The following CCDC178 variants were observed in gnomAD, a reference collection of about 807,000 sequenced individuals.
The protein encoded by CCDC178 is coiled-coil domain-containing protein 178.
A neutral mutation model predicts 117.4 loss-of-function variants in CCDC178; 126 were observed. That is an observed-to-expected ratio of 1.07 (90% CI 0.93 to 1.24). The LOEUF (loss-of-function observed/expected upper bound fraction) is 1.24. Ranked by LOEUF, CCDC178 falls within the 50% of genes most tolerant of loss-of-function variation. The pLI is 0.00. For missense variants in CCDC178, 1,030 were observed against 986.9 expected, an observed-to-expected ratio of 1.04 and a Z score of -0.59; for synonymous variants, 283 against 313.4, an observed-to-expected ratio of 0.90 and a Z score of 1.02.
intron 21 of CCDC178, among the ~76,000 whole-genome samples, chr18:33,026,427 C>T (rs866797037): frequency 2.0e-5 from 3 of 151,990 alleles, no homozygotes; most frequent in East Asian, 3.9e-4. Context: ...AAAAATACCT[C>T]GGAATAAAAG....
chr18:33,340,771 G>T (rs1337128088), intron 9 of CCDC178, among the ~76,000 whole-genome samples: 1 of 152,180 alleles, frequency 6.6e-6, no homozygotes, highest in Non-Finnish European at 1.5e-5. Context: ...CAAGAAATGA[G>T]GTTTGAGAAC....
chr18:32,985,473 G>A (rs551823414), intron 21 of CCDC178, among the ~76,000 whole-genome samples: 1 of 151,980 alleles, frequency 6.6e-6, no homozygotes, highest in Admixed American at 6.6e-5. Flanking sequence ...CTAGAAGAAT[G>A]GCAAGAGTAA....
At chr18:33,357,893 T>C (rs990587673) in intron 6 of CCDC178, among the ~76,000 whole-genome samples, 1 of 151,936 alleles carries the variant, frequency 6.6e-6, no homozygotes, top group African/African-American at 2.4e-5. Context: ...TATATAGTCA[T>C]GTGTCACTAA....
chr18:33,254,251 AACACACACACACACACACACACACAC>A (rs34689445), intron 14 of CCDC178, among the ~76,000 whole-genome samples: 8 of 135,384 alleles, frequency 5.9e-5, no homozygotes, highest in African/African-American at 2.2e-4. Flanking sequence ...TCTATTGAGA[AACACACACACACACACACACACACAC>A]ACACACACAC....
chr18:33,141,750 G>C (rs1401323902), intron 20 of CCDC178, among the ~76,000 whole-genome samples: 1 of 152,114 alleles, frequency 6.6e-6, no homozygotes, highest in Non-Finnish European at 1.5e-5. Flanking sequence ...TCTTTTCCTA[G>C]ATTAACTTTA....
intron 20 of CCDC178, among the ~76,000 whole-genome samples, chr18:33,164,618 T>C (rs1384619774): frequency 6.6e-6 from 1 of 151,610 alleles, no homozygotes; most frequent in Non-Finnish European, 1.5e-5. Flanking sequence ...AAAATGGTGG[T>C]AAGAAGGGCA....
intron 20 of CCDC178, among the ~76,000 whole-genome samples, chr18:33,124,886 A>T (rs1251409740): frequency 6.6e-6 from 1 of 152,194 alleles, no homozygotes; most frequent in Non-Finnish European, 1.5e-5. Flanking sequence ...AAATAAGGAT[A>T]CCTGTAAGCA....
At chr18:33,398,626 T>A (rs896113618) in intron 3 of CCDC178, among the ~76,000 whole-genome samples, 2 of 152,122 alleles carry the variant, frequency 1.3e-5, no homozygotes, top group African/African-American at 4.8e-5. Context: ...CCAGACATAG[T>A]AAGTGTTAAT....
At chr18:33,412,707 A>G (rs1266489987) in intron 2 of CCDC178, among the ~76,000 whole-genome samples, 7 of 152,200 alleles carry the variant, frequency 4.6e-5, no homozygotes, top group African/African-American at 1.7e-4. Flanking sequence ...AAATTTTTAA[A>G]CATAGCCATA....
At chr18:33,388,519 ATTTTT>A (rs71159828) in intron 5 of CCDC178, among the ~76,000 whole-genome samples, 1 of 65,266 alleles carries the variant, frequency 1.5e-5, no homozygotes, top group Non-Finnish European at 2.6e-5. Context: ...ACACCACGGA[ATTTTT>A]TTTTTTTTTT....
chr18:33,040,197 A>T (rs1253617995), intron 21 of CCDC178, among the ~76,000 whole-genome samples: 2 of 152,008 alleles, frequency 1.3e-5, no homozygotes, highest in African/African-American at 2.4e-5. Context: ...AATCCAGATA[A>T]AACTATTGAG....
intron 5 of CCDC178, among the ~76,000 whole-genome samples, chr18:33,385,880 C>A (rs1361499461): frequency 6.6e-6 from 1 of 152,008 alleles, no homozygotes; most frequent in Non-Finnish European, 1.5e-5. Context: ...AAGAGATAAA[C>A]ACATAAACAT....
chr18:32,937,931 A>C lies in CCDC178; in HGVS notation c.*80T>G. ...GAAGTGTGAAATGGCAAACAGGTGAATGTCCAATTACACTGTTATCTGAAC... is the reference window on the plus strand; with the variant it reads ...GAAGTGTGAAATGGCAAACAGGTGACTGTCCAATTACACTGTTATCTGAAC... On this transcript the variant is annotated 3_prime_UTR_variant, in exon 23 of 23. Transcript: ENST00000383096. 1 of 1,088,766 alleles carries C rather than the reference A, an allele frequency of 9.2e-7. No homozygotes were observed. Among genetic ancestry groups the C allele is most frequent in the Non-Finnish European group, 1.4e-6 (1 of 711,868 alleles). 67.4% of individuals were successfully genotyped at this position (1,088,766 alleles called of 1,614,324 possible).
intron 14 of CCDC178, among the ~76,000 whole-genome samples, chr18:33,262,277 C>T (rs896620750): frequency 8.5e-5 from 13 of 152,104 alleles, no homozygotes; most frequent in Admixed American, 3.9e-4. Context: ...ACTATCTTTC[C>T]ACAATTTCAG....
chr18:32,965,442 T>C (rs573616088), intron 22 of CCDC178, among the ~76,000 whole-genome samples: 48 of 152,096 alleles, frequency 3.2e-4, no homozygotes, highest in African/African-American at 1.1e-3. Flanking sequence ...TTCCCAAAGT[T>C]CCTCCTGATT....
intron 21 of CCDC178, among the ~76,000 whole-genome samples, chr18:33,057,857 A>G (rs2056857160): frequency 6.6e-6 from 1 of 152,234 alleles, no homozygotes; most frequent in African/African-American, 2.4e-5. Flanking sequence ...TGTATTTTGT[A>G]TCTAGACACC....
chr18:33,241,846 A>T (rs1249980185), intron 15 of CCDC178, among the ~76,000 whole-genome samples: 1 of 151,846 alleles, frequency 6.6e-6, no homozygotes, highest in East Asian at 1.9e-4. Context: ...ATACTATTCA[A>T]ATCAATCTAC....
chr18:33,227,095 C>T (rs1386413379), intron 15 of CCDC178, among the ~76,000 whole-genome samples: 1 of 151,756 alleles, frequency 6.6e-6, no homozygotes, highest in African/African-American at 2.4e-5. Context: ...TTTTATAGTC[C>T]TAAACTTAAA....
chr18:33,297,038 T>TA (rs1192233811), intron 11 of CCDC178, among the ~76,000 whole-genome samples: 1 of 151,468 alleles, frequency 6.6e-6, no homozygotes, highest in Non-Finnish European at 1.5e-5. Context: ...AATAAACAAA[T>TA]AAATAAATAT....
Sources: gnomAD v4.1 joint callset for allele counts (sites outside exome capture counted in the v4.1 genomes callset) on GRCh38, gnomAD v4.1.1 for gene constraint, MANE v1.5 for transcripts, NCBI Gene and HGNC (gene_info 2026-07-23, HGNC 2026-07-21) for gene names.